RSRC1: variants seen among roughly 807,000 people sequenced by gnomAD.
RSRC1 encodes the protein serine/Arginine-related protein 53.
A neutral mutation model predicts 49.1 loss-of-function variants in RSRC1; 39 were observed. The observed-to-expected ratio is 0.79, with a 90% confidence interval of 0.61 to 1.04. RSRC1 has a LOEUF of 1.04. RSRC1 is among the 50% of genes least tolerant of loss of function. RSRC1 has a pLI of 0.00. For missense variants in RSRC1, 388 were observed against 402.4 expected (o/e 0.96, Z 0.31); for synonymous variants, 143 against 130.8 (o/e 1.09, Z -0.63).
At chr3:158,389,987 C>A (rs1217035705) in intron 6 of RSRC1, among the ~76,000 whole-genome samples, 1 of 152,144 alleles carries the variant, frequency 6.6e-6, no homozygotes, top group African/African-American at 2.4e-5. Context: ...GGAAAAATAT[C>A]TTGATCTCAT....
chr3:158,454,439 CT>C (rs559421302), intron 6 of RSRC1, among the ~76,000 whole-genome samples: 1 of 152,052 alleles, frequency 6.6e-6, no homozygotes, highest in Non-Finnish European at 1.5e-5. Context: ...TGTCACTTAA[CT>C]TTTTTTGTAA....
intron 6 of RSRC1, among the ~76,000 whole-genome samples, chr3:158,358,354 T>G (rs1170715335): frequency 6.6e-6 from 1 of 152,222 alleles, no homozygotes; most frequent in East Asian, 1.9e-4. Flanking sequence ...TCTCTCCCAC[T>G]GCCATCTCCT....
intron 7 of RSRC1, among the ~76,000 whole-genome samples, chr3:158,497,556 C>A (rs1739400025): frequency 6.6e-6 from 1 of 151,956 alleles, no homozygotes. Context: ...CCTGCCTCAG[C>A]CTCCCGAGTA....
At chr3:158,117,819 C>T (rs189866141) in intron 1 of RSRC1, among the ~76,000 whole-genome samples, 59 of 151,958 alleles carry the variant, frequency 3.9e-4, no homozygotes, top group Admixed American at 1.6e-3. Flanking sequence ...TTATAGAATG[C>T]GTATCTGGTG....
rs374368016 is a variant in RSRC1 at position 158,529,214 on chromosome 3, G to GTGTATATA, written c.653-7877_653-7876insGTATATAT. 3.2e-3 allele frequency among the ~76,000 whole-genome samples: 462 copies of GTGTATATA among 143,140 alleles called. 1 individual carries two copies. The highest frequency in any genetic ancestry group is 7.3e-3 in the Middle Eastern group (2 of 274). The allele number at this position is 143,140 out of a possible 152,430, so 93.9% of individuals were successfully genotyped here. On this transcript the variant is annotated intron_variant, in intron 7 of 9. Coordinates refer to ENST00000611884, the MANE Select transcript of RSRC1 (RefSeq NM_001271838.2). ...TTTATGTATATATGTATGTGTGTGT[G>GTGTATATA]TATATATATATATATATATATCCTA...
chr3:158,482,778 T>C (rs1362294853), intron 7 of RSRC1, among the ~76,000 whole-genome samples: 1 of 152,004 alleles, frequency 6.6e-6, no homozygotes, highest in Non-Finnish European at 1.5e-5. Flanking sequence ...TCCCAACCCA[T>C]GAAAAAATGT....
At position 158,544,089 on chromosome 3, in the gene RSRC1, A is replaced by G; in HGVS notation, c.913-94A>G. ...AACAGTATCCAAATCTTGTGTTGAG[A>G]GATATATTCTACAAAGGTGAGTTCT... On this transcript the variant is annotated intron_variant, in intron 9 of 9. Transcript: ENST00000611884. 6 of 783,608 alleles carry G rather than the reference A, an allele frequency of 7.7e-6. No individual in the cohort carries two copies. In the Admixed American group the frequency reaches 1.0e-4, roughly 13 times the overall value. 48.5% of individuals were successfully genotyped at this position (783,608 alleles called of 1,614,324 possible).
intron 3 of RSRC1, among the ~76,000 whole-genome samples, chr3:158,147,102 C>CTTTTTTTTTTTTTTTTTTTTTTT (rs35460810): frequency 8.6e-5 from 3 of 34,738 alleles, no homozygotes; most frequent in African/African-American, 4.5e-4. Context: ...GCTTTTCTGC[C>CTTTTTTTTTTTTTTTTTTTTTTT]TTTTTTTTTT....
At chr3:158,291,429 A>G (rs1335401416) in intron 4 of RSRC1, among the ~76,000 whole-genome samples, 1 of 152,134 alleles carries the variant, frequency 6.6e-6, no homozygotes, top group East Asian at 1.9e-4. Flanking sequence ...TTTTGGTTAT[A>G]TTTATTTTGT....
chr3:158,280,839 G>A (rs1484717682), intron 4 of RSRC1, among the ~76,000 whole-genome samples: 1 of 151,976 alleles, frequency 6.6e-6, no homozygotes, highest in African/African-American at 2.4e-5. Context: ...TAGAGACGGG[G>A]TTTCACCCTT....
chr3:158,239,616 C>A (rs1469263628), intron 4 of RSRC1, among the ~76,000 whole-genome samples: 1 of 151,920 alleles, frequency 6.6e-6, no homozygotes, highest in East Asian at 1.9e-4. Context: ...GGAGAAATAC[C>A]CATTGTAAAT....
At position 158,196,185 on chromosome 3, in the gene RSRC1, G is replaced by A. The variant is rs1356731433; in HGVS notation, c.321-6887G>A. Among the ~76,000 whole-genome samples, 395 of 144,202 alleles carry A rather than the reference G, an allele frequency of 2.7e-3. 5 individuals carry two copies. The highest frequency in any genetic ancestry group is 4.0e-3 in the Non-Finnish European group (261 of 65,602). The allele number at this position is 144,202 out of a possible 152,430, so 94.6% of individuals were successfully genotyped here. ...CTCTTTTATTTCGTTGAGCAGTGTG[G>A]TTTGTAGTTCTCCTTGAAGAGGTCC... On this transcript the variant is annotated intron_variant, in intron 3 of 9. Transcript: ENST00000611884.
chr3:158,373,767 C>G (rs1205931500), intron 6 of RSRC1, among the ~76,000 whole-genome samples: 1 of 151,850 alleles, frequency 6.6e-6, no homozygotes, highest in Non-Finnish European at 1.5e-5. Flanking sequence ...ACATGGTACC[C>G]TGGTATTAGA....
intron 7 of RSRC1, among the ~76,000 whole-genome samples, chr3:158,474,660 G>C (rs1007077166): frequency 6.6e-6 from 1 of 151,862 alleles, no homozygotes; most frequent in Non-Finnish European, 1.5e-5. Flanking sequence ...CACTTTCTCT[G>C]CTCATCTGTA....
At chr3:158,432,950 A>G (rs1452536462) in intron 6 of RSRC1, among the ~76,000 whole-genome samples, 1 of 151,916 alleles carries the variant, frequency 6.6e-6, no homozygotes, top group East Asian at 1.9e-4. Flanking sequence ...CAGAAATTCA[A>G]CTTAGATAAT....
intron 7 of RSRC1, among the ~76,000 whole-genome samples, chr3:158,526,842 C>T (rs1712062075): frequency 6.6e-6 from 1 of 151,922 alleles, no homozygotes; most frequent in Non-Finnish European, 1.5e-5. Flanking sequence ...TCTGACATCA[C>T]AAAAGAACAG....
intron 3 of RSRC1, among the ~76,000 whole-genome samples, chr3:158,176,555 C>A (rs13109530): frequency 6.6e-6 from 1 of 152,174 alleles, no homozygotes; most frequent in African/African-American, 2.4e-5. Context: ...AAAGGATTCC[C>A]TATTTAATAA....
chr3:158,214,110 A>G (rs1401746962), intron 4 of RSRC1, among the ~76,000 whole-genome samples: 3 of 151,948 alleles, frequency 2.0e-5, no homozygotes, highest in East Asian at 3.9e-4. Context: ...GGTATAATTA[A>G]TCTAGAGATG....
At chr3:158,169,198 T>A (rs777711695) in intron 3 of RSRC1, among the ~76,000 whole-genome samples, 2 of 152,168 alleles carry the variant, frequency 1.3e-5, no homozygotes, top group Non-Finnish European at 2.9e-5. Context: ...TGAGAGTTTT[T>A]GTGTCCTCTG....
Sources: gnomAD v4.1 joint callset for allele counts (sites outside exome capture counted in the v4.1 genomes callset) on GRCh38, gnomAD v4.1.1 for gene constraint, MANE v1.5 for transcripts, NCBI Gene and HGNC (gene_info 2026-07-23, HGNC 2026-07-21) for gene names.